LRBA: variants seen among roughly 807,000 people sequenced by gnomAD.
The protein encoded by LRBA is lipopolysaccharide-responsive and beige-like anchor protein.
A neutral mutation model predicts 330.0 loss-of-function variants in LRBA; 176 were observed. The observed-to-expected ratio is 0.53, with a 90% confidence interval of 0.47 to 0.60. The LOEUF (loss-of-function observed/expected upper bound fraction) is 0.60. LRBA is among the 20% of genes least tolerant of loss of function. LRBA has a pLI of 0.00. For synonymous variants in LRBA, 1,230 were observed against 1,193.0 expected, an observed-to-expected ratio of 1.03 and a Z score of -0.64; for missense variants, 3,259 against 3,444.8, an observed-to-expected ratio of 0.95 and a Z score of 1.35.
At chr4:150,388,146 T>G (rs1743357658) in intron 47 of LRBA, among the ~76,000 whole-genome samples, 1 of 152,220 alleles carries the variant, frequency 6.6e-6, no homozygotes, top group South Asian at 2.1e-4. Context: ...CCTCACATGA[T>G]AGAGAGAGAG....
chr4:150,310,258 T>C lies in LRBA; in HGVS notation c.7820A>G (p.Lys2607Arg), dbSNP rs972193655. ...RYILVCGFWD[K>R]SFRVYSTDTG... ...GTCTGTAGAATAGACTCTGAAACTTTTATCCCAGAAGCCACAGACGAGAAT... is the reference window on the plus strand; with the variant it reads ...GTCTGTAGAATAGACTCTGAAACTTCTATCCCAGAAGCCACAGACGAGAAT... Residue 2607 changes from lysine (K) to arginine (R), a missense_variant, in exon 52 of 57, where the codon AAA becomes AGA. Transcript: ENST00000651943. 1 of 1,612,672 alleles carries C rather than the reference T, an allele frequency of 6.2e-7. No individual in the cohort carries two copies. Among genetic ancestry groups the C allele is most frequent in the South Asian group, 1.1e-5 (1 of 90,998 alleles).
At chr4:150,479,872 T>G (rs1343934416) in intron 42 of LRBA, among the ~76,000 whole-genome samples, 2 of 152,168 alleles carry the variant, frequency 1.3e-5, no homozygotes, top group African/African-American at 4.8e-5. Flanking sequence ...ACATGAGAGA[T>G]TCCTTTGACA....
intron 19 of LRBA, among the ~76,000 whole-genome samples, chr4:150,870,816 C>T (rs564341198): frequency 8.3e-4 from 127 of 152,198 alleles, no homozygotes; most frequent in Non-Finnish European, 1.5e-3. Context: ...TAAAATGAGA[C>T]ATCAAATAGT....
chr4:150,449,187 G>A (rs375352191), intron 44 of LRBA, among the ~76,000 whole-genome samples: 9 of 152,108 alleles, frequency 5.9e-5, no homozygotes, highest in East Asian at 1.9e-4. Flanking sequence ...CTAATCTACC[G>A]CAGGAAAAGG....
chr4:150,822,834 C>CA (rs1428085060), intron 30 of LRBA, among the ~76,000 whole-genome samples: 5 of 152,114 alleles, frequency 3.3e-5, no homozygotes, highest in African/African-American at 1.2e-4. Context: ...CACTTGAGGC[C>CA]AGGAGTTTGA....
At chr4:150,868,345 C>CA (rs773592308) in intron 20 of LRBA, 40 bp from the exon 21 acceptor site, 19 of 1,469,678 alleles carry the variant, frequency 1.3e-5, no homozygotes, top group Non-Finnish European at 1.8e-5. Context: ...CCAAACTCAA[C>CA]AAAAAACTCA....
intron 40 of LRBA, chr4:150,579,612 C>T (rs548138892): frequency 2.2e-6 from 1 of 455,250 alleles, no homozygotes; most frequent in African/African-American, 2.0e-5. Flanking sequence ...AGTGGAGAAG[C>T]GTAGGGGCAA....
intron 2 of LRBA, among the ~76,000 whole-genome samples, chr4:150,953,371 C>A (rs530851594): frequency 1.4e-5 from 2 of 144,892 alleles, no homozygotes. Flanking sequence ...CTCCCTCCCC[C>A]TCCCCCTCCC....
chr4:150,423,836 C>T (rs1055235519), intron 46 of LRBA, among the ~76,000 whole-genome samples: 1 of 151,896 alleles, frequency 6.6e-6, no homozygotes, highest in Non-Finnish European at 1.5e-5. Context: ...TAAAATGAGT[C>T]CCCCCCACCG....
At chr4:150,316,571 G>A (rs1403980142) in intron 50 of LRBA, among the ~76,000 whole-genome samples, 3 of 152,154 alleles carry the variant, frequency 2.0e-5, no homozygotes, top group East Asian at 1.9e-4. Context: ...TTCCCCAAAC[G>A]ACTCAGCCAT....
At chr4:150,752,138 C>T (rs999917506) in intron 35 of LRBA, among the ~76,000 whole-genome samples, 8 of 152,096 alleles carry the variant, frequency 5.3e-5, no homozygotes, top group Non-Finnish European at 1.0e-4. Context: ...TAAATTGCTT[C>T]CAAAGATTTT....
At position 150,337,578 on chromosome 4, in the gene LRBA, G is replaced by A. The variant is rs141336312; in HGVS notation, c.7363-11680C>T. ...AATTAAAACCTGACTAATCCTTACC[G>A]TTTATTTGGCTTCTCATTGTACAGT... On this transcript the variant is annotated intron_variant, in intron 48 of 56. Coordinates refer to ENST00000651943, the MANE Select transcript of LRBA (RefSeq NM_001364905.1). Among the ~76,000 whole-genome samples, 1,429 of 152,216 alleles carry A rather than the reference G, an allele frequency of 9.4e-3. 20 individuals are homozygous for A. Among genetic ancestry groups the A allele is most frequent in the African/African-American group, 0.031 (1,306 of 41,530 alleles).
chr4:150,902,510 T>C (rs1730851661), intron 13 of LRBA, among the ~76,000 whole-genome samples: 1 of 152,150 alleles, frequency 6.6e-6, no homozygotes, highest in South Asian at 2.1e-4. Flanking sequence ...TCCATTTACA[T>C]AGGGCATACA....
intron 46 of LRBA, among the ~76,000 whole-genome samples, chr4:150,430,392 T>A (rs192280276): frequency 6.6e-6 from 1 of 152,172 alleles, no homozygotes; most frequent in Admixed American, 6.6e-5. Context: ...ATAAAGTTCA[T>A]CCTCTTTCAC....
At chr4:150,848,756 G>C (rs1264039304) in intron 26 of LRBA, 62 bp downstream of exon 26, 7 of 1,242,904 alleles carry the variant, frequency 5.6e-6, no homozygotes, top group Non-Finnish European at 7.9e-6. Context: ...AATTTTCAAT[G>C]TCATCTCTGA....
chr4:150,871,275 A>T, intron 19 of LRBA, 70 bp downstream of exon 19: 1 of 782,780 alleles, frequency 1.3e-6, no homozygotes, highest in Non-Finnish European at 2.2e-6. Context: ...GATCTTATTT[A>T]CCTACACAAT....
chr4:150,844,219 T>C lies in LRBA; in HGVS notation c.4462-12A>G, dbSNP rs774320562. The stretch of plus-strand genomic sequence containing the variant: ...ATGTCCACTGGGCTCTATTTAAGAT[T>C]AAAAAAAAATTGTATATATATATAT... On this transcript the variant is annotated splice_polypyrimidine_tract_variant and intron_variant, in intron 27 of 56. Coordinates refer to ENST00000651943, the MANE Select transcript of LRBA (RefSeq NM_001364905.1). 1.0e-4 allele frequency: 143 copies of C among 1,367,262 alleles called. No homozygotes were observed. Among genetic ancestry groups the C allele is most frequent in the Non-Finnish European group, 1.4e-4 (137 of 976,236 alleles). 84.7% of individuals were successfully genotyped at this position (1,367,262 alleles called of 1,614,324 possible).
At chr4:150,831,367 T>C (rs1379876108) in intron 29 of LRBA, among the ~76,000 whole-genome samples, 1 of 152,206 alleles carries the variant, frequency 6.6e-6, no homozygotes, top group African/African-American at 2.4e-5. Flanking sequence ...CAGTAGATAT[T>C]GAATGAATAT....
At chr4:150,997,997 C>G (rs1742872497) in intron 2 of LRBA, among the ~76,000 whole-genome samples, 1 of 152,096 alleles carries the variant, frequency 6.6e-6, no homozygotes, top group African/African-American at 2.4e-5. Context: ...AGCCACTGCA[C>G]CTGGCCAAAC....
Sources: gnomAD v4.1 joint callset for allele counts (sites outside exome capture counted in the v4.1 genomes callset) on GRCh38, gnomAD v4.1.1 for gene constraint, MANE v1.5 for transcripts, NCBI Gene and HGNC (gene_info 2026-07-23, HGNC 2026-07-21) for gene names.